The following HELB variants were observed in gnomAD, a reference collection of about 807,000 sequenced individuals.
HELB encodes the protein DNA helicase B, also known as DNA 5'-3' helicase B.
A neutral mutation model predicts 101.7 loss-of-function variants in HELB; 96 were observed. The ratio of observed to expected loss-of-function variants is 0.94; its 90% CI spans 0.80 to 1.12. The LOEUF is 1.12. Among genes scored for constraint, HELB ranks in the 50% most tolerant of loss-of-function variants. The probability of loss-of-function intolerance (pLI) is 0.00; values close to 1 mark genes in which losing one functional copy is unlikely to be tolerated. For synonymous variants in HELB, 437 were observed against 459.7 expected (o/e 0.95, Z 0.63); for missense variants, 1,210 against 1,291.9 (o/e 0.94, Z 0.97).
chr12:66,321,910 T>C (rs1310838551), intron 7 of HELB, 38 bp from the exon 8 acceptor site: 1 of 759,778 alleles, frequency 1.3e-6, no homozygotes, highest in Non-Finnish European at 2.3e-6. Flanking sequence ...TATAATTTGG[T>C]GATTTGCTGT....
chr12:66,311,957 T>C (rs2053550019), intron 4 of HELB, among the ~76,000 whole-genome samples: 1 of 152,180 alleles, frequency 6.6e-6, no homozygotes, highest in African/African-American at 2.4e-5. Context: ...GGGAAAGGCC[T>C]TTGCAAAGGC....
chr12:66,308,685 C>T (rs1403156740), intron 3 of HELB, among the ~76,000 whole-genome samples: 1 of 152,172 alleles, frequency 6.6e-6, no homozygotes, highest in Non-Finnish European at 1.5e-5. Flanking sequence ...GGCCTTCCTT[C>T]TTTGCCAGTC....
At position 66,318,705 on chromosome 12, in the gene HELB, A is replaced by T. The variant is rs1193847398; in HGVS notation, c.2068A>T (p.Ile690Phe). ...LNISDNPTLPISIQDKTFIFV... is the reference protein window; with the variant it reads ...LNISDNPTLPFSIQDKTFIFV... Reference sequence around the variant, plus strand: ...TATCTCTGATAATCCAACATTACCCATCTCAATTCAAGATAAGACATTTAT... The same window carrying T: ...TATCTCTGATAATCCAACATTACCCTTCTCAATTCAAGATAAGACATTTAT... Residue 690 changes from isoleucine to phenylalanine, a missense_variant, in exon 7 of 13, where the codon ATC (isoleucine) becomes TTC (phenylalanine). Physicochemically the swap from Ile to Phe is conservative, Grantham distance 21. Transcript: ENST00000247815. The T allele has an allele frequency of 6.2e-7, 1 of 1,610,196 alleles. No individual in the cohort carries two copies. The highest frequency in any genetic ancestry group is 1.7e-5 in the Admixed American group (1 of 59,012).
chr12:66,329,552 C>T (rs1311543191), intron 11 of HELB, among the ~76,000 whole-genome samples: 1 of 152,084 alleles, frequency 6.6e-6, no homozygotes, highest in African/African-American at 2.4e-5. Context: ...CAAGCTGGCT[C>T]TTGAAGGGCT....
chr12:66,319,148 A>C (rs191059859), intron 7 of HELB, among the ~76,000 whole-genome samples: 1 of 152,214 alleles, frequency 6.6e-6, no homozygotes, highest in African/African-American at 2.4e-5. Flanking sequence ...AAGCAGATAC[A>C]TTTATTTTGA....
intron 4 of HELB, among the ~76,000 whole-genome samples, chr12:66,313,153 A>G (rs569885291): frequency 6.6e-6 from 1 of 152,338 alleles, no homozygotes; most frequent in South Asian, 2.1e-4. Flanking sequence ...GCATTTGGGT[A>G]GGAAATATGA....
rs542300265 is a variant in HELB, at chr12:66,318,704, C to A, written c.2067C>A (p.Pro689=). 24 of 1,609,762 alleles carry A rather than the reference C, an allele frequency of 1.5e-5. 1 individual carries two copies. The South Asian group carries it at 2.6e-4, about 17-fold the overall frequency. ...ELNISDNPTL[P]ISIQDKTFIF... is the part of the protein sequence containing the mutation. The stretch of plus-strand genomic sequence containing the variant: ...ATATCTCTGATAATCCAACATTACC[C>A]ATCTCAATTCAAGATAAGACATTTA... The change falls in exon 7 of 13, where the codon CCC becomes CCA. Residue 689 remains proline (P), a synonymous_variant. Coordinates refer to ENST00000247815, the MANE Select transcript of HELB (RefSeq NM_001370285.1).
At chr12:66,309,621 C>T (rs2053516010) in intron 3 of HELB, 85 bp from the exon 4 acceptor site, 2 of 918,364 alleles carry the variant, frequency 2.2e-6, no homozygotes, top group Non-Finnish European at 3.2e-6. Flanking sequence ...TTCATGTCTT[C>T]TGGGATTTAA....
intron 7 of HELB, among the ~76,000 whole-genome samples, chr12:66,319,068 C>T (rs2053642198): frequency 6.6e-6 from 1 of 152,060 alleles, no homozygotes; most frequent in South Asian, 2.1e-4. Context: ...AGCAAAGCCC[C>T]AATAATTCAG....
In HELB at chr12:66,309,867, TG is replaced by T; in HGVS notation, c.940del (p.Glu314LysfsTer2). 1 of 1,614,140 alleles carries T rather than the reference TG, an allele frequency of 6.2e-7. No individual in the cohort carries two copies. Among genetic ancestry groups the T allele is most frequent in the South Asian group, 1.1e-5 (1 of 91,082 alleles). On this transcript the variant is annotated frameshift_variant, in exon 4 of 13. Transcript: ENST00000247815. LOFTEE classifies it high-confidence loss of function. ...ICREDGHTYV[E>X]VNDLTLTLSN... ...GTAGAGAAGATGGGCACACATATGT[TG>T]AAGTGAATGACTTAACTTTGACATT...
intron 7 of HELB, chr12:66,321,714 G>A (rs2053672779): frequency 2.3e-6 from 1 of 426,774 alleles, no homozygotes; most frequent in African/African-American, 2.0e-5. Flanking sequence ...GTCCTGGCCA[G>A]GGGTTGACCT....
At chr12:66,304,632 A>G in intron 1 of HELB, 99 bp from the exon 2 acceptor site, 1 of 1,056,202 alleles carries the variant, frequency 9.5e-7, no homozygotes, top group Non-Finnish European at 1.4e-6. Context: ...TGCTGTAGGG[A>G]GATTAAAGAT....
At position 66,315,940 on chromosome 12, in the gene HELB, A is replaced by C. The variant is rs183997231; in HGVS notation, c.2000+557A>C. Among the ~76,000 whole-genome samples the C allele has an allele frequency of 1.9e-4, 29 of 152,332 alleles. 1 individual carries two copies. The East Asian group carries it at 4.2e-3, about 22-fold the overall frequency. ...TTTCTCCATAATCCACACATATGAA[A>C]ATCACAATCATTATTATTTCATGAC... On this transcript the variant is annotated intron_variant, in intron 6 of 12. Transcript: ENST00000247815.
intron 6 of HELB, among the ~76,000 whole-genome samples, chr12:66,318,383 T>C (rs186046324): frequency 1.3e-5 from 2 of 152,304 alleles, no homozygotes; most frequent in East Asian, 1.9e-4. Flanking sequence ...AATTTTTTTT[T>C]CCTGATCCTT....
intron 12 of HELB, among the ~76,000 whole-genome samples, chr12:66,333,530 C>CA (rs1592648848): frequency 6.6e-6 from 1 of 151,704 alleles, no homozygotes; most frequent in Non-Finnish European, 1.5e-5. Flanking sequence ...ACTAAAAATA[C>CA]AAAAAATTAG....
chr12:66,310,122 C>T lies in HELB; in HGVS notation c.1194C>T (p.Ser398=), dbSNP rs756390093. The change falls in exon 4 of 13, where the codon AGC becomes AGT. Residue 398 remains serine (S), a synonymous_variant. Coordinates refer to ENST00000247815, the MANE Select transcript of HELB (RefSeq NM_001370285.1). ...SIHTTKPENS[S]DDALNESKPD... is the part of the protein sequence containing the mutation. ...ACACCACAAAACCTGAGAATTCAAG[C>T]GATGATGCATTGAATGAGAGCAAAC... 110 of 1,614,102 alleles carry T rather than the reference C, an allele frequency of 6.8e-5. No homozygotes were observed. The highest frequency in any genetic ancestry group is 3.9e-4 in the African/African-American group (29 of 75,008).
In HELB at chr12:66,331,333, C is replaced by A. The variant is rs764792235; in HGVS notation, c.2850C>A (p.Phe950Leu). Residue 950 changes from phenylalanine (F) to leucine (L), a missense_variant, in exon 12 of 13, where the codon TTC becomes TTA. Coordinates refer to ENST00000247815, the MANE Select transcript of HELB (RefSeq NM_001370285.1). ...SFPRKTRLKH[F>L]LQSKLSSSGA... ...CTAGAAAAACTCGTTTGAAACATTT[C>A]TTGCAAAGTAAGCTCTCCTCTAGCG... 1 of 1,614,214 alleles carries A rather than the reference C, an allele frequency of 6.2e-7. No individual in the cohort carries two copies. The highest frequency in any genetic ancestry group is 8.5e-7 in the Non-Finnish European group (1 of 1,180,038).
chr12:66,337,874 C>T (rs1592651437), intron 12 of HELB, 127 bp from the exon 13 acceptor site: 1 of 611,026 alleles, frequency 1.6e-6, no homozygotes, highest in Non-Finnish European at 2.9e-6. Context: ...GCTTTGGTTG[C>T]TGAAGCCTTT....
At chr12:66,341,602 C>G (rs1252759148), downstream of HELB, 1 of 152,180 alleles carries the variant, frequency 6.6e-6, no homozygotes, top group Non-Finnish European at 1.5e-5. Context: ...TCCTCCCATT[C>G]TGTGAATTTT....
Sources: allele counts gnomAD v4.1 joint callset (sites outside exome capture counted in the v4.1 genomes callset), GRCh38; gene constraint gnomAD v4.1.1; transcripts MANE v1.5; gene names NCBI Gene and HGNC (gene_info 2026-07-23, HGNC 2026-07-21).